Variants in SYN3 observed in about 807,000 individuals in gnomAD.
The protein encoded by SYN3 is synapsin-3.
A neutral mutation model predicts 65.8 loss-of-function variants in SYN3; 35 were observed. The observed-to-expected ratio is 0.53, with a 90% CI of 0.41 to 0.70. The LOEUF is 0.70. Among genes scored for constraint, SYN3 ranks in the 30% least tolerant of loss-of-function variants. The probability of loss-of-function intolerance (pLI) is 0.00; values close to 1 mark genes in which losing one functional copy is unlikely to be tolerated. For synonymous variants in SYN3, 270 were observed against 292.9 expected, an observed-to-expected ratio of 0.92 and a Z score of 0.80; for missense variants, 680 against 749.0, an observed-to-expected ratio of 0.91 and a Z score of 1.08.
chr22:32,637,100 C>T (rs560164113), intron 6 of SYN3, among the ~76,000 whole-genome samples: 18 of 152,184 alleles, frequency 1.2e-4, no homozygotes, highest in African/African-American at 4.3e-4. Flanking sequence ...GAATGCTCTT[C>T]TGTTCTACAC....
At chr22:32,690,553 C>A (rs2060648801) in intron 6 of SYN3, among the ~76,000 whole-genome samples, 1 of 152,144 alleles carries the variant, frequency 6.6e-6, no homozygotes. Context: ...GCAGTTTCAT[C>A]CCCTTTCCCT....
chr22:32,681,271 G>T (rs115188848), intron 6 of SYN3, among the ~76,000 whole-genome samples: 9,422 of 151,650 alleles, frequency 0.062, 340 homozygotes, highest in Non-Finnish European at 0.086. Flanking sequence ...GGAGTGGGGG[G>T]TGGGATGCTA....
At chr22:33,002,839 C>T (rs938561354) in intron 2 of SYN3, among the ~76,000 whole-genome samples, 8 of 152,134 alleles carry the variant, frequency 5.3e-5, no homozygotes, top group East Asian at 1.9e-4. Flanking sequence ...CCTACTGATA[C>T]GGTTTGACTG....
chr22:33,011,171 C>T (rs967548662), intron 1 of SYN3, among the ~76,000 whole-genome samples: 3 of 152,186 alleles, frequency 2.0e-5, no homozygotes, highest in Admixed American at 2.0e-4. Flanking sequence ...GGGGGAAACA[C>T]TCAGTATCTC....
intron 6 of SYN3, among the ~76,000 whole-genome samples, chr22:32,747,252 T>A (rs967792091): frequency 6.6e-6 from 1 of 151,596 alleles, no homozygotes; most frequent in Admixed American, 6.6e-5. Flanking sequence ...ACAGCCAGAT[T>A]TGAAGTTGAA....
At chr22:32,856,273 C>A (rs577760724) in intron 6 of SYN3, among the ~76,000 whole-genome samples, 194 of 139,532 alleles carry the variant, frequency 1.4e-3, no homozygotes, top group African/African-American at 5.3e-3. Context: ...GCTGGGATGT[C>A]AGACATGTGT....
chr22:32,526,325 A>G (rs1406283361), intron 12 of SYN3, among the ~76,000 whole-genome samples: 1 of 152,074 alleles, frequency 6.6e-6, no homozygotes, highest in East Asian at 1.9e-4. Context: ...CTGCTTTTCC[A>G]GAAGGAGAAA....
At chr22:32,933,400 A>G (rs2050688584) in intron 3 of SYN3, among the ~76,000 whole-genome samples, 1 of 152,116 alleles carries the variant, frequency 6.6e-6, no homozygotes, top group Admixed American at 6.6e-5. Flanking sequence ...ATTCAAACCC[A>G]GGCGGTGTGG....
chr22:32,875,587 C>A (rs968769487), intron 4 of SYN3, among the ~76,000 whole-genome samples: 1 of 152,140 alleles, frequency 6.6e-6, no homozygotes, highest in Non-Finnish European at 1.5e-5. Context: ...TGAGGTCACA[C>A]TGGAGGAGAG....
intron 1 of SYN3, among the ~76,000 whole-genome samples, chr22:33,025,928 T>C (rs1017917621): frequency 1.3e-5 from 2 of 152,160 alleles, no homozygotes; most frequent in Non-Finnish European, 2.9e-5. Flanking sequence ...TTTTGAACCA[T>C]GAGCCAAAGA....
At position 32,528,887 on chromosome 22, in the gene SYN3, G is replaced by C. The variant is rs757063467; in HGVS notation, c.1217C>G (p.Pro406Arg). The C allele has an allele frequency of 6.2e-6, 10 of 1,614,002 alleles. No homozygotes were observed. The highest frequency in any genetic ancestry group is 4.5e-5 in the East Asian group (2 of 44,870). The change falls in exon 11 of 14, where the codon CCC becomes CGC. Residue 406 changes from proline to arginine, a missense_variant. Coordinates refer to ENST00000358763, the MANE Select transcript of SYN3 (RefSeq NM_003490.4). ...TGAGGGTCTTACCCAAGGTCTGAGG[G>C]GGGAGGGCGCTGTGCCTCCTGGCAT... ...LPMPGGTAPSPLRPWAPQIKS... is the reference protein window; with the variant it reads ...LPMPGGTAPSRLRPWAPQIKS...
At chr22:32,962,219 T>C (rs1003021735) in intron 3 of SYN3, among the ~76,000 whole-genome samples, 1 of 145,772 alleles carries the variant, frequency 6.9e-6, no homozygotes, top group African/African-American at 2.6e-5. Context: ...CACTGCAACC[T>C]TTACCTCCTG....
At chr22:32,857,301 C>T in intron 6 of SYN3, 5 of 1,614,160 alleles carry the variant, frequency 3.1e-6, no homozygotes, top group African/African-American at 1.3e-5. Flanking sequence ...CATACGGAAG[C>T]TTCCGAGAGT....
intron 4 of SYN3, among the ~76,000 whole-genome samples, chr22:32,898,400 G>A (rs552866528): frequency 6.6e-6 from 1 of 152,310 alleles, no homozygotes; most frequent in Admixed American, 6.5e-5. Context: ...ATGTAAGGGG[G>A]ATGATTACAT....
intron 6 of SYN3, among the ~76,000 whole-genome samples, chr22:32,829,924 G>A (rs992455512): frequency 6.6e-6 from 1 of 152,198 alleles, no homozygotes; most frequent in African/African-American, 2.4e-5. Context: ...ATTTTCCAGT[G>A]ACGCCTCCTC....
At chr22:32,998,211 G>T (rs1380743020) in intron 2 of SYN3, among the ~76,000 whole-genome samples, 1 of 152,106 alleles carries the variant, frequency 6.6e-6, no homozygotes. Context: ...GTAGAAGTGG[G>T]TGGGCAGATA....
At chr22:32,994,124 A>G (rs989448607) in intron 2 of SYN3, among the ~76,000 whole-genome samples, 1 of 152,122 alleles carries the variant, frequency 6.6e-6, no homozygotes, top group Non-Finnish European at 1.5e-5. Context: ...AGCACTTGAA[A>G]AATTCCTCAA....
At chr22:32,548,341 A>G (rs2058363960) in intron 7 of SYN3, among the ~76,000 whole-genome samples, 1 of 151,466 alleles carries the variant, frequency 6.6e-6, no homozygotes, top group African/African-American at 2.4e-5. Flanking sequence ...TGGCTGAGCC[A>G]TGGTGCCTAG....
At chr22:32,713,629 G>C (rs2060995587) in intron 6 of SYN3, among the ~76,000 whole-genome samples, 1 of 152,150 alleles carries the variant, frequency 6.6e-6, no homozygotes, top group Admixed American at 6.5e-5. Context: ...AGGAGATCGA[G>C]ACCATCCTGG....
Sources: gnomAD v4.1 joint callset for allele counts (sites outside exome capture counted in the v4.1 genomes callset) on GRCh38, gnomAD v4.1.1 for gene constraint, MANE v1.5 for transcripts, NCBI Gene and HGNC (gene_info 2026-07-23, HGNC 2026-07-21) for gene names.